The following CTNNA3 variants were observed in gnomAD, a reference collection of about 807,000 sequenced individuals.
CTNNA3 encodes the protein catenin alpha 3, also known as catenin alpha-3.
CTNNA3 carries 76 observed loss-of-function variants against 95.7 expected under a neutral mutation model. That is an observed-to-expected ratio of 0.79 (90% confidence interval 0.66 to 0.96). The LOEUF (loss-of-function observed/expected upper bound fraction) is 0.96, where lower values mean the gene tolerates loss of function less well. CTNNA3 is among the 40% of genes least tolerant of loss of function. CTNNA3 has a pLI of 0.00. For synonymous variants in CTNNA3, 431 were observed against 374.4 expected (o/e 1.15, Z -1.74); for missense variants, 1,191 against 1,089.8 (o/e 1.09, Z -1.31).
chr10:66,891,518 T>A (rs1845268777), intron 7 of CTNNA3, among the ~76,000 whole-genome samples: 1 of 152,198 alleles, frequency 6.6e-6, no homozygotes, highest in Admixed American at 6.5e-5. Flanking sequence ...GTCTTCACTG[T>A]AAGGATAATC....
At chr10:66,347,798 A>C (rs933735847) in intron 12 of CTNNA3, among the ~76,000 whole-genome samples, 1 of 152,128 alleles carries the variant, frequency 6.6e-6, no homozygotes, top group African/African-American at 2.4e-5. Flanking sequence ...AGGCCTGGAA[A>C]TACATAAATC....
chr10:66,395,947 C>T (rs2092972569), intron 11 of CTNNA3, among the ~76,000 whole-genome samples: 1 of 151,940 alleles, frequency 6.6e-6, no homozygotes, highest in Non-Finnish European at 1.5e-5. Context: ...ACCCTTCCCC[C>T]TTCTGGAGTT....
At chr10:66,137,973 C>T (rs1029422420) in intron 13 of CTNNA3, among the ~76,000 whole-genome samples, 2 of 150,954 alleles carry the variant, frequency 1.3e-5, no homozygotes, top group South Asian at 2.1e-4. Context: ...AAATTTTGTG[C>T]ATAGATATAT....
intron 10 of CTNNA3, among the ~76,000 whole-genome samples, chr10:66,559,680 C>A (rs1372586959): frequency 6.6e-6 from 1 of 152,000 alleles, no homozygotes; most frequent in East Asian, 1.9e-4. Flanking sequence ...ATGCTCATCT[C>A]TGGGTCTGAA....
At chr10:67,639,411 G>A (rs1410384899) in intron 2 of CTNNA3, among the ~76,000 whole-genome samples, 4 of 152,090 alleles carry the variant, frequency 2.6e-5, no homozygotes, top group African/African-American at 4.8e-5. Context: ...ATTCACAGCC[G>A]AATTCTACCA....
chr10:67,762,969 C>T (rs116616798), intron 1 of CTNNA3, among the ~76,000 whole-genome samples: 1,826 of 152,210 alleles, frequency 0.012, 40 homozygotes, highest in African/African-American at 0.041. Context: ...ACAGGAATTG[C>T]TTACTCGGGG....
chr10:67,614,023 T>C (rs1373645494), intron 2 of CTNNA3, among the ~76,000 whole-genome samples: 5 of 152,052 alleles, frequency 3.3e-5, no homozygotes, highest in African/African-American at 1.2e-4. Context: ...TTTTGAAGCG[T>C]GAAAGAACAA....
At chr10:66,962,770 C>A (rs567272596) in intron 7 of CTNNA3, among the ~76,000 whole-genome samples, 162 of 152,252 alleles carry the variant, frequency 1.1e-3, no homozygotes, top group African/African-American at 3.9e-3. Context: ...ATACCCCCTA[C>A]TTAAAATGGC....
intron 14 of CTNNA3, among the ~76,000 whole-genome samples, chr10:66,097,177 TA>T (rs2081427254): frequency 6.6e-6 from 1 of 152,084 alleles, no homozygotes; most frequent in African/African-American, 2.4e-5. Flanking sequence ...AGGCAAAAAA[TA>T]ATTTCAAAAG....
At chr10:67,037,312 CA>C (rs1001098847) in intron 7 of CTNNA3, among the ~76,000 whole-genome samples, 1 of 147,530 alleles carries the variant, frequency 6.8e-6, no homozygotes, top group Non-Finnish European at 1.5e-5. Context: ...ATGTACTCAG[CA>C]AAATCATATT....
At chr10:67,193,861 T>C (rs1299131055) in intron 6 of CTNNA3, among the ~76,000 whole-genome samples, 2 of 121,612 alleles carry the variant, frequency 1.6e-5, no homozygotes, top group African/African-American at 1.1e-4. Flanking sequence ...AATGAATTTC[T>C]GTTTTTTAGG....
chr10:67,547,041 C>T (rs79952052), intron 3 of CTNNA3, among the ~76,000 whole-genome samples: 3,304 of 152,212 alleles, frequency 0.022, 149 homozygotes, highest in African/African-American at 0.075. Flanking sequence ...CTAAAATACG[C>T]AAAGCACTAT....
At chr10:66,106,044 C>A (rs2081887813) in intron 13 of CTNNA3, among the ~76,000 whole-genome samples, 1 of 151,954 alleles carries the variant, frequency 6.6e-6, no homozygotes, top group Non-Finnish European at 1.5e-5. Flanking sequence ...CCCGTCTCTA[C>A]TAAAAATACA....
intron 10 of CTNNA3, among the ~76,000 whole-genome samples, chr10:66,585,801 A>G (rs1018012989): frequency 1.3e-5 from 2 of 151,926 alleles, no homozygotes; most frequent in African/African-American, 4.8e-5. Context: ...AGTCAGTGTG[A>G]TTGATTTTTT....
intron 11 of CTNNA3, among the ~76,000 whole-genome samples, chr10:66,411,466 A>T (rs2093104906): frequency 6.6e-6 from 1 of 151,956 alleles, no homozygotes; most frequent in South Asian, 2.1e-4. Flanking sequence ...ACTATTGTCA[A>T]TATAGTAATT....
chr10:65,937,488 GTTTC>G (rs1355051043), intron 17 of CTNNA3, among the ~76,000 whole-genome samples: 2 of 152,062 alleles, frequency 1.3e-5, no homozygotes, highest in Non-Finnish European at 2.9e-5. Flanking sequence ...TCTTCCAAGA[GTTTC>G]TTTCTTGAAT....
chr10:66,575,029 G>A (rs1842966878), intron 10 of CTNNA3, among the ~76,000 whole-genome samples: 1 of 152,072 alleles, frequency 6.6e-6, no homozygotes, highest in South Asian at 2.1e-4. Context: ...TGAGAGGACT[G>A]GAGTCTTCTA....
In CTNNA3 at chr10:67,606,955, G is replaced by T; in HGVS notation, c.194C>A (p.Ala65Glu). 6.2e-7 allele frequency: 1 copy of T among 1,613,920 alleles called. No homozygotes were observed. The highest frequency in any genetic ancestry group is 8.5e-7 in the Non-Finnish European group (1 of 1,179,832). The change falls in exon 3 of 18, where the codon GCA (alanine) becomes GAA (glutamate). Residue 65 changes from alanine to glutamate, a missense_variant. By Grantham distance (107) the Ala-to-Glu change is moderately radical. Coordinates refer to ENST00000433211, the MANE Select transcript of CTNNA3 (RefSeq NM_013266.4). ...TCCCTTGTCTAATAAATTCCAAGTT[G>T]CTTCCTCCACAGAAGCTAGAAGGAC... ...ASVLLASVEE[A>E]TWNLLDKGEK...
intron 2 of CTNNA3, among the ~76,000 whole-genome samples, chr10:67,630,539 C>G (rs1839110655): frequency 6.6e-6 from 1 of 152,096 alleles, no homozygotes; most frequent in Non-Finnish European, 1.5e-5. Flanking sequence ...GGGTTGTCTT[C>G]TTATCACAGC....
Sources: gnomAD v4.1 joint callset for allele counts (sites outside exome capture counted in the v4.1 genomes callset) on GRCh38, gnomAD v4.1.1 for gene constraint, MANE v1.5 for transcripts, NCBI Gene and HGNC (gene_info 2026-07-23, HGNC 2026-07-21) for gene names.